MPDZ: variants seen among roughly 807,000 people sequenced by gnomAD.
MPDZ encodes the protein multiple PDZ domain protein.
Under a neutral mutation model 239.1 loss-of-function variants are expected in MPDZ, and 234 were observed. The ratio of observed to expected loss-of-function variants is 0.98; its 90% CI spans 0.88 to 1.09. MPDZ has a LOEUF of 1.09. Ranked by LOEUF, MPDZ falls within the 50% of genes least tolerant of loss-of-function variation. The pLI is 0.00. For missense variants in MPDZ, 3,175 were observed against 2,510.0 expected (o/e 1.26, Z -5.66); for synonymous variants, 1,048 against 881.3 (o/e 1.19, Z -3.35).
chr9:13,139,647 C>A (rs537956269), intron 28 of MPDZ, among the ~76,000 whole-genome samples: 3 of 152,140 alleles, frequency 2.0e-5, no homozygotes, highest in Non-Finnish European at 4.4e-5. Flanking sequence ...TCCTCATTCA[C>A]ATGAGGAATC....
intron 3 of MPDZ, among the ~76,000 whole-genome samples, chr9:13,241,944 T>A (rs1005214932): frequency 6.6e-6 from 1 of 152,122 alleles, no homozygotes; most frequent in African/African-American, 2.4e-5. Context: ...GAAGTACACA[T>A]TGACTACCTG....
At chr9:13,146,132 G>C (rs552107155) in intron 26 of MPDZ, among the ~76,000 whole-genome samples, 1 of 152,082 alleles carries the variant, frequency 6.6e-6, no homozygotes, top group East Asian at 1.9e-4. Context: ...TTTCTGAATG[G>C]ATAATTATTA....
At chr9:13,205,740 G>C (rs1047204664) in intron 11 of MPDZ, among the ~76,000 whole-genome samples, 176 bp downstream of exon 11, 1 of 152,110 alleles carries the variant, frequency 6.6e-6, no homozygotes, top group Non-Finnish European at 1.5e-5. Context: ...GCTGGTTCCA[G>C]TCAATCCTGA....
At chr9:13,242,747 T>C (rs549286739) in intron 3 of MPDZ, among the ~76,000 whole-genome samples, 17 of 152,144 alleles carry the variant, frequency 1.1e-4, no homozygotes, top group Admixed American at 9.8e-4. Flanking sequence ...TCTGATAATA[T>C]AGGTCTGCAT....
At chr9:13,202,935 G>A (rs891340790) in intron 12 of MPDZ, among the ~76,000 whole-genome samples, 8 of 152,104 alleles carry the variant, frequency 5.3e-5, no homozygotes, top group African/African-American at 1.9e-4. Context: ...AAGGATGTGG[G>A]AGGCACTTCT....
chr9:13,212,788 G>GT (rs1394354706), intron 10 of MPDZ, among the ~76,000 whole-genome samples: 2 of 115,218 alleles, frequency 1.7e-5, no homozygotes, highest in Non-Finnish European at 3.4e-5. Flanking sequence ...CCTGGTCAAG[G>GT]TTTAAAAAAA....
rs1224964579 is a variant in MPDZ, at chr9:13,176,257, G to T, written c.2810C>A (p.Ala937Glu). Residue 937 changes from alanine (A) to glutamate (E), a missense_variant, in exon 20 of 47, where the codon GCA becomes GAA. By Grantham distance (107) the Ala-to-Glu change is moderately radical. Coordinates refer to ENST00000319217, the MANE Select transcript of MPDZ (RefSeq NM_001378778.1). Reference sequence around the variant, plus strand: ...TTCATATTGTTGTTCAATAGCATTTGCAGGTGTGTAGTCATTTATAGTAAA... The same window carrying T: ...TTCATATTGTTGTTCAATAGCATTTTCAGGTGTGTAGTCATTTATAGTAAA... ...SGFTINDYTP[A>E]NAIEQQYECE... The T allele has an allele frequency of 6.2e-7, 1 of 1,608,848 alleles. No individual in the cohort carries two copies.
At chr9:13,189,092 G>C in intron 16 of MPDZ, 99 bp from the exon 17 acceptor site, 2 of 1,031,760 alleles carry the variant, frequency 1.9e-6, no homozygotes, top group Non-Finnish European at 2.7e-6. Context: ...ATTGTCTCAA[G>C]TGCCTTTAAA....
At position 13,224,394 on chromosome 9, in the gene MPDZ, G is replaced by C. The variant is rs569534921; in HGVS notation, c.373C>G (p.Leu125Val). 26 of 1,612,134 alleles carry C rather than the reference G, an allele frequency of 1.6e-5. No individual in the cohort carries two copies. Among genetic ancestry groups the C allele is most frequent in the Middle Eastern group, 3.3e-4 (2 of 6,048 alleles). The change falls in exon 4 of 47, where the codon CTT becomes GTT. Residue 125 changes from leucine (L) to valine (V), a missense_variant. Transcript: ENST00000319217. ...CTTACCTGGGCCATATTTTTGATAA[G>C]CTGATCAAATTCATCACAAGCAGGT... is the stretch of plus-strand genomic sequence containing the variant. ...GKPACDEFDQ[L>V]IKNMAQGRHV...
In MPDZ at chr9:13,247,812, G is replaced by T; in HGVS notation, c.17-11C>A. On this transcript the variant is annotated splice_polypyrimidine_tract_variant and intron_variant, in intron 2 of 46. Transcript: ENST00000319217. ...GGGCCCGATTTTTGTCTATACCAAAGAGCAGCATTTGTCAATAACAGGATT... is the reference window on the plus strand; with the variant it reads ...GGGCCCGATTTTTGTCTATACCAAATAGCAGCATTTGTCAATAACAGGATT... 2 of 1,587,846 alleles carry T rather than the reference G, an allele frequency of 1.3e-6. No individual in the cohort carries two copies. Among genetic ancestry groups the T allele is most frequent in the Non-Finnish European group, 1.7e-6 (2 of 1,160,054 alleles).
chr9:13,169,652 T>C (rs982259488), intron 21 of MPDZ, among the ~76,000 whole-genome samples: 5 of 151,924 alleles, frequency 3.3e-5, no homozygotes, highest in Admixed American at 1.3e-4. Flanking sequence ...AGAGAGGCCA[T>C]TACAAAAAAA....
chr9:13,122,718 T>C (rs1050605572), intron 36 of MPDZ, among the ~76,000 whole-genome samples: 2 of 152,070 alleles, frequency 1.3e-5, no homozygotes, highest in African/African-American at 4.8e-5. Flanking sequence ...GGTTTTGCCA[T>C]GTTGAACAGG....
intron 22 of MPDZ, among the ~76,000 whole-genome samples, chr9:13,166,728 A>G (rs1951128510): frequency 6.6e-6 from 1 of 152,100 alleles, no homozygotes; most frequent in Non-Finnish European, 1.5e-5. Context: ...AGTCATAATA[A>G]AGCTTCTGCC....
chr9:13,133,487 G>A (rs2132120535), intron 32 of MPDZ, among the ~76,000 whole-genome samples: 1 of 152,138 alleles, frequency 6.6e-6, no homozygotes, highest in East Asian at 1.9e-4. Context: ...TCCGTAGCAG[G>A]ACCTTAGTGA....
intron 23 of MPDZ, among the ~76,000 whole-genome samples, chr9:13,160,698 C>T (rs528564727): frequency 1.3e-5 from 2 of 151,064 alleles, no homozygotes; most frequent in Non-Finnish European, 3.0e-5. Context: ...AGGCGTCTCC[C>T]CTATCCCTCG....
At chr9:13,230,099 T>C (rs574086955) in intron 3 of MPDZ, among the ~76,000 whole-genome samples, 1 of 152,268 alleles carries the variant, frequency 6.6e-6, no homozygotes, top group African/African-American at 2.4e-5. Context: ...TTTAGCATCA[T>C]TAGCCATTAA....
At chr9:13,177,446 T>G (rs1952646319) in intron 19 of MPDZ, among the ~76,000 whole-genome samples, 1 of 152,174 alleles carries the variant, frequency 6.6e-6, no homozygotes, top group South Asian at 2.1e-4. Flanking sequence ...ATTTGCATAA[T>G]ATATACATAT....
At chr9:13,210,225 T>C (rs1417427442) in intron 10 of MPDZ, among the ~76,000 whole-genome samples, 1 of 152,118 alleles carries the variant, frequency 6.6e-6, no homozygotes, top group Non-Finnish European at 1.5e-5. Context: ...ACCAAGAATC[T>C]TATACTTAGT....
chr9:13,216,341 C>T (rs751883009), intron 10 of MPDZ, among the ~76,000 whole-genome samples: 3 of 148,930 alleles, frequency 2.0e-5, no homozygotes, highest in African/African-American at 4.9e-5. Context: ...CTGAAAGCAG[C>T]CGCGGCCATA....
Sources: gnomAD v4.1 joint callset for allele counts (sites outside exome capture counted in the v4.1 genomes callset) on GRCh38, gnomAD v4.1.1 for gene constraint, MANE v1.5 for transcripts, NCBI Gene and HGNC (gene_info 2026-07-23, HGNC 2026-07-21) for gene names.